Variants in TBRG4 observed in about 807,000 individuals in gnomAD.
TBRG4 encodes the protein FAST kinase domain-containing protein 4.
TBRG4 carries 43 observed loss-of-function variants against 65.6 expected under a neutral mutation model. That is an observed-to-expected ratio of 0.66 (90% CI 0.51 to 0.85). The LOEUF is 0.85. TBRG4 is among the 40% of genes least tolerant of loss of function. The probability of loss-of-function intolerance (pLI) is 0.00; values close to 1 mark genes in which losing one functional copy is unlikely to be tolerated. For missense variants in TBRG4, 709 were observed against 787.9 expected (o/e 0.90, Z 1.20); for synonymous variants, 366 against 341.4 (o/e 1.07, Z -0.79).
intron 1 of TBRG4, among the ~76,000 whole-genome samples, chr7:45,110,378 T>C (rs1785090302): frequency 6.6e-6 from 1 of 151,580 alleles, no homozygotes; most frequent in Non-Finnish European, 1.5e-5. Flanking sequence ...CTTTTAACAA[T>C]TCTATCGGCC....
chr7:45,104,326 C>CT, intron 4 of TBRG4, 70 bp from the exon 5 acceptor site: 1 of 1,608,448 alleles, frequency 6.2e-7, no homozygotes, highest in South Asian at 1.1e-5. Context: ...TCCACCCCAC[C>CT]TCAGCCTCGA....
At position 45,101,348 on chromosome 7, in the gene TBRG4, G is replaced by C; in HGVS notation, c.1704C>G (p.Phe568Leu). 4 of 1,614,008 alleles carry C rather than the reference G, an allele frequency of 2.5e-6. No homozygotes were observed. The highest frequency in any genetic ancestry group is 3.4e-6 in the Non-Finnish European group (4 of 1,180,018). Residue 568 changes from phenylalanine (F) to leucine (L), a missense_variant, in exon 10 of 11, where the codon TTC (phenylalanine) becomes TTG (leucine). Transcript: ENST00000258770. ...SKRLAFLRWE[F>L]PNFNSRSKDL... ...CCTTGCTTCGGCTGTTGAAGTTGGGGAACTCCCACCGCAAGAACGCTAGCC... is the reference window on the plus strand; with the variant it reads ...CCTTGCTTCGGCTGTTGAAGTTGGGCAACTCCCACCGCAAGAACGCTAGCC...
intron 1 of TBRG4, among the ~76,000 whole-genome samples, chr7:45,111,175 C>G (rs577359890): frequency 3.0e-4 from 45 of 152,272 alleles, no homozygotes; most frequent in African/African-American, 1.0e-3. Flanking sequence ...AGGGTTTCAC[C>G]ATGACCTCAA....
intron 2 of TBRG4, chr7:45,106,927 G>C (rs1448708966): frequency 6.6e-6 from 1 of 152,328 alleles, no homozygotes; most frequent in East Asian, 1.9e-4. Context: ...GCTGCAATAA[G>C]CAGGAGTCCC....
At chr7:45,105,206 C>T (rs1784901764) in intron 3 of TBRG4, 1 of 611,576 alleles carries the variant, frequency 1.6e-6, no homozygotes, top group Non-Finnish European at 2.9e-6. Context: ...CAGGGAAGCG[C>T]CTGTGTTGGG....
In TBRG4 at chr7:45,104,575, CAG is replaced by C; in HGVS notation, c.868_869del (p.Leu290AspfsTer41). On this transcript the variant is annotated frameshift_variant, in exon 4 of 11. Transcript: ENST00000258770. LOFTEE classifies it high-confidence loss of function. Reference sequence around the variant, plus strand: ...CCACGTCCAAGAGCACATCTTTCGTCAGAGAGAAGGGCTTCTGCACCAGGTGG... The same window carrying C: ...CCACGTCCAAGAGCACATCTTTCGTCAGAGAAGGGCTTCTGCACCAGGTGG... ...SYHLVQKPFS[L>X]TKDVLLDVAY... The C allele has an allele frequency of 6.2e-7, 1 of 1,613,980 alleles. No individual in the cohort carries two copies. Among genetic ancestry groups the C allele is most frequent in the Non-Finnish European group, 8.5e-7 (1 of 1,180,000 alleles).
chr7:45,104,053 G>T (rs1427525655), intron 5 of TBRG4, 46 bp downstream of exon 5: 2 of 1,529,334 alleles, frequency 1.3e-6, no homozygotes, highest in South Asian at 2.5e-5. Flanking sequence ...CCCAGCAGAT[G>T]GCCAGGAAGC....
At position 45,104,094 on chromosome 7, in the gene TBRG4, CTCACCTGGGCAA is replaced by C; in HGVS notation, c.1058_1065+4del. The stretch of plus-strand genomic sequence containing the variant: ...TCTCTGAGTTGGGGCCAGGCCCTGG[CTCACCTGGGCAA>C]AGGCCTCAAACAGGGGCAGGCTGAG... On this transcript the variant is annotated splice_donor_variant and splice_donor_region_variant and coding_sequence_variant and intron_variant, in exon 5 of 11. Transcript: ENST00000258770. LOFTEE classifies it high-confidence loss of function. The C allele has an allele frequency of 6.3e-7, 1 of 1,595,318 alleles. No homozygotes were observed. The highest frequency in any genetic ancestry group is 8.5e-7 in the Non-Finnish European group (1 of 1,171,054).
In TBRG4 at chr7:45,102,118, TG is replaced by T. The variant is rs369502660; in HGVS notation, c.1322-49del. 4.5e-6 allele frequency: 7 copies of T among 1,549,036 alleles called. No individual in the cohort carries two copies. In the African/African-American group the frequency reaches 6.9e-5, roughly 15 times the overall value. On this transcript the variant is annotated intron_variant, in intron 7 of 10. Coordinates refer to ENST00000258770, the MANE Select transcript of TBRG4 (RefSeq NM_004749.4). ...AGGGAGGTGGGCCTACGGCCAGAGA[TG>T]GGGAGACCCTGATGAGAGGGCAGTG...
In TBRG4 at chr7:45,103,175, G is replaced by C. The variant is rs1018627970; in HGVS notation, c.1176+158C>G. On this transcript the variant is annotated intron_variant, in intron 6 of 10. Transcript: ENST00000258770. ...TTTCATGTGTTCTCAGTAATCCCTA[G>C]GATGCCTGGCTCCAATCAGTTCCCC... The C allele has an allele frequency of 1.7e-5, 11 of 655,958 alleles. No individual in the cohort carries two copies. The Admixed American group carries it at 1.9e-4, about 11-fold the overall frequency. 40.6% of individuals were successfully genotyped at this position (655,958 alleles called of 1,614,324 possible).
chr7:45,109,314 G>A (rs1221214042), intron 1 of TBRG4, 27 bp from the exon 2 acceptor site: 1 of 1,495,932 alleles, frequency 6.7e-7, no homozygotes, highest in Non-Finnish European at 8.9e-7. Flanking sequence ...GAGAGAAGGG[G>A]CTACTACAGG....
chr7:45,102,084 A>G lies in TBRG4; in HGVS notation c.1322-14T>C. ...GAGACTTGCCCCCTAGGAGACAAGG[A>G]GAAAGAAGAGGGAGGTGGGCCTACG... is the stretch of plus-strand genomic sequence containing the variant. On this transcript the variant is annotated splice_polypyrimidine_tract_variant and intron_variant, in intron 7 of 10. Transcript: ENST00000258770. The G allele has an allele frequency of 6.4e-7, 1 of 1,566,700 alleles. No homozygotes were observed. Among genetic ancestry groups the G allele is most frequent in the South Asian group, 1.2e-5 (1 of 83,750 alleles).
Position 45,111,462 on chromosome 7 carries a change from G to GAGGA in TBRG4, c.-51+177_-51+180dup. 4.5e-6 allele frequency: 3 copies of GAGGA among 662,588 alleles called. No individual in the cohort carries two copies. The South Asian group carries it at 5.3e-5, about 12-fold the overall frequency. The allele number at this position is 662,588 out of a possible 1,614,324, so 41.0% of individuals were successfully genotyped here. A position where few individuals can be genotyped will look rare whatever the true frequency, so the allele number is the denominator to read the frequency against. On this transcript the variant is annotated intron_variant, in intron 1 of 10. Transcript: ENST00000258770. Reference sequence around the variant, plus strand: ...TCCAGGCCTGGCCGCGCGGGCTAGAGAGGAAGCGTGCGCACTGGCAAGCCA... The same window carrying GAGGA: ...TCCAGGCCTGGCCGCGCGGGCTAGAGAGGAAGGAAGCGTGCGCACTGGCAAGCCA...
rs143510798 is a variant in TBRG4 at position 45,111,596 on chromosome 7, C to T, written c.-51+47G>A. On this transcript the variant is annotated intron_variant, in intron 1 of 10. Coordinates refer to ENST00000258770, the MANE Select transcript of TBRG4 (RefSeq NM_004749.4). Reference sequence around the variant, plus strand: ...CCCAGCCACGCCTGTGTTGTGCACTCGAAACCCACGATCAGCCGCCCCTTC... The same window carrying T: ...CCCAGCCACGCCTGTGTTGTGCACTTGAAACCCACGATCAGCCGCCCCTTC... 565 of 1,289,382 alleles carry T rather than the reference C, an allele frequency of 4.4e-4. 3 individuals are homozygous for T. The African/African-American group carries it at 7.8e-3, about 18-fold the overall frequency. 79.9% of individuals were successfully genotyped at this position (1,289,382 alleles called of 1,614,324 possible). A position where few individuals can be genotyped will look rare whatever the true frequency, so the allele number is the denominator to read the frequency against.
Position 45,109,002 on chromosome 7 carries a change from G to A in TBRG4, c.236C>T (p.Ala79Val). ...CTCCAGGAGCTCCTCTGGCCTTGTG[G>A]CCTTCTTGATGAGGTGGTCCACCTG... is the stretch of plus-strand genomic sequence containing the variant. ...EKQVDHLIKK[A>V]TRPEELLELL... The change falls in exon 2 of 11, where the codon GCC becomes GTC. Residue 79 changes from alanine to valine, a missense_variant. Physicochemically the swap from Ala to Val is moderately conservative, Grantham distance 64 (BLOSUM62 0). Transcript: ENST00000258770. 6.2e-7 allele frequency: 1 copy of A among 1,611,828 alleles called. No homozygotes were observed. Among genetic ancestry groups the A allele is most frequent in the African/African-American group, 1.3e-5 (1 of 74,916 alleles).
At chr7:45,111,480 G>T (rs181919950) in intron 1 of TBRG4, 163 bp downstream of exon 1, 17 of 862,404 alleles carry the variant, frequency 2.0e-5, no homozygotes, top group Non-Finnish European at 2.7e-5. Context: ...GTGCGCACTG[G>T]CAAGCCAGCA....
At chr7:45,105,863 T>C (rs1784936610) in intron 2 of TBRG4, 99 bp from the exon 3 acceptor site, 6 of 1,337,838 alleles carry the variant, frequency 4.5e-6, no homozygotes, top group Non-Finnish European at 6.3e-6. Flanking sequence ...GAGCATTTAC[T>C]ACAACTCTTC....
chr7:45,101,113 C>G, intron 10 of TBRG4, 145 bp downstream of exon 10: 1 of 695,470 alleles, frequency 1.4e-6, no homozygotes, highest in South Asian at 2.1e-5. Context: ...CCACAGTAAA[C>G]TCCCTCCCTG....
intron 3 of TBRG4, 123 bp downstream of exon 3, chr7:45,105,318 A>T: frequency 8.9e-7 from 1 of 1,120,330 alleles, no homozygotes; most frequent in Non-Finnish European, 1.3e-6. Context: ...CTCCAGACAG[A>T]AGCTCCCAGG....
Sources: gnomAD v4.1 joint callset for allele counts (sites outside exome capture counted in the v4.1 genomes callset) on GRCh38, gnomAD v4.1.1 for gene constraint, MANE v1.5 for transcripts, NCBI Gene and HGNC (gene_info 2026-07-23, HGNC 2026-07-21) for gene names.